GOLGA4: variants seen among roughly 807,000 people sequenced by gnomAD.
The protein encoded by GOLGA4 is golgin A4.
GOLGA4 carries 169 observed loss-of-function variants against 265.9 expected under a neutral mutation model. That is an observed-to-expected ratio of 0.64 (90% CI 0.56 to 0.72). GOLGA4 has a LOEUF of 0.72. Ranked by LOEUF, GOLGA4 falls within the 30% of genes least tolerant of loss-of-function variation. The pLI, the probability that GOLGA4 is intolerant of heterozygous loss-of-function variation, is 0.00. For missense variants in GOLGA4, 2,482 were observed against 2,483.4 expected, an observed-to-expected ratio of 1.00 and a Z score of 0.01; for synonymous variants, 923 against 855.8, an observed-to-expected ratio of 1.08 and a Z score of -1.37.
intron 10 of GOLGA4, among the ~76,000 whole-genome samples, chr3:37,312,310 C>G (rs963195354): frequency 2.6e-5 from 4 of 152,320 alleles, no homozygotes; most frequent in South Asian, 2.1e-4. Flanking sequence ...CATAATTAGT[C>G]ACTTTACTTG....
intron 2 of GOLGA4, among the ~76,000 whole-genome samples, chr3:37,270,403 A>T (rs991812115): frequency 1.3e-5 from 2 of 151,264 alleles, no homozygotes; most frequent in Admixed American, 6.6e-5. Context: ...TTTTTAGTAG[A>T]GATGGGGTTT....
chr3:37,284,159 C>T (rs1300806375), intron 3 of GOLGA4, among the ~76,000 whole-genome samples: 2 of 152,162 alleles, frequency 1.3e-5, no homozygotes, highest in African/African-American at 4.8e-5. Context: ...CTCTTCCACA[C>T]ACAACCCCCC....
intron 4 of GOLGA4, among the ~76,000 whole-genome samples, chr3:37,286,274 C>T (rs1436164243): frequency 6.7e-6 from 1 of 149,874 alleles, no homozygotes; most frequent in Non-Finnish European, 1.5e-5. Context: ...CTGCCTCAGC[C>T]TCCCGAGTAG....
rs536578863 is a variant in GOLGA4, at chr3:37,287,062, C to T, written c.525+1001C>T. On this transcript the variant is annotated intron_variant, in intron 4 of 23. Coordinates refer to ENST00000361924, the MANE Select transcript of GOLGA4 (RefSeq NM_002078.5). ...TGTTTTAAAATAAAATATAGTTGGCCAGGCGTGGTGGCTCACGCCTGTAAT... is the reference window on the plus strand; with the variant it reads ...TGTTTTAAAATAAAATATAGTTGGCTAGGCGTGGTGGCTCACGCCTGTAAT... Among the ~76,000 whole-genome samples the T allele has an allele frequency of 4.9e-3, 745 of 152,274 alleles. 9 individuals carry two copies. Among genetic ancestry groups the T allele is most frequent in the African/African-American group, 0.017 (711 of 41,556 alleles).
Position 37,251,541 on chromosome 3 carries a change from A to G in GOLGA4, c.162+57A>G, listed in dbSNP as rs536478705. The G allele has an allele frequency of 6.2e-4, 662 of 1,072,870 alleles. 1 individual carries two copies. The highest frequency in any genetic ancestry group is 1.1e-3 in the Admixed American group (59 of 54,724). 66.5% of individuals were successfully genotyped at this position (1,072,870 alleles called of 1,614,324 possible). On this transcript the variant is annotated intron_variant, in intron 2 of 23. Transcript: ENST00000361924. ...CTCAAAAGAAACTAATCTAAAATGT[A>G]TGCTGTTGATAACAAAATGGGAAAC...
chr3:37,355,192 G>A lies in GOLGA4; in HGVS notation c.6663+5G>A, dbSNP rs762704583. ...AGAGAAGATGCTCGGCTGATGGTAAGTTCTGGAAGTGGGCTCTAGATAGAA... is the reference window on the plus strand; with the variant it reads ...AGAGAAGATGCTCGGCTGATGGTAAATTCTGGAAGTGGGCTCTAGATAGAA... On this transcript the variant is annotated splice_donor_5th_base_variant and intron_variant, in intron 22 of 23. Coordinates refer to ENST00000361924, the MANE Select transcript of GOLGA4 (RefSeq NM_002078.5). 2.0e-6 allele frequency: 3 copies of A among 1,483,224 alleles called. No individual in the cohort carries two copies. The highest frequency in any genetic ancestry group is 1.1e-5 in the South Asian group (1 of 88,356). 91.9% of individuals were successfully genotyped at this position (1,483,224 alleles called of 1,614,324 possible). A position where few individuals can be genotyped will look rare whatever the true frequency, so the allele number is the denominator to read the frequency against.
intron 10 of GOLGA4, among the ~76,000 whole-genome samples, chr3:37,308,761 G>A (rs1010699396): frequency 2.0e-5 from 3 of 151,690 alleles, no homozygotes; most frequent in African/African-American, 4.8e-5. Context: ...GACTACAGGC[G>A]TGTGCCACTA....
At chr3:37,259,774 G>T (rs890440827) in intron 2 of GOLGA4, among the ~76,000 whole-genome samples, 1 of 152,122 alleles carries the variant, frequency 6.6e-6, no homozygotes, top group Non-Finnish European at 1.5e-5. Flanking sequence ...TGGTTTCTGG[G>T]CTGATACATG....
At position 37,266,228 on chromosome 3, in the gene GOLGA4, CT is replaced by C. The variant is rs1334919454; in HGVS notation, c.162+14745del. ...GTCACCCAGGCTGGAGTGCAATGGT[CT>C]CACTCTGTCACCCAGGCTGGAGTGC... On this transcript the variant is annotated intron_variant, in intron 2 of 23. Coordinates refer to ENST00000361924, the MANE Select transcript of GOLGA4 (RefSeq NM_002078.5). Among the ~76,000 whole-genome samples the C allele has an allele frequency of 3.3e-5, 5 of 151,676 alleles. No individual in the cohort carries two copies. The East Asian group carries it at 9.7e-4, about 29-fold the overall frequency.
chr3:37,322,883 C>A (rs2096958943), intron 13 of GOLGA4, among the ~76,000 whole-genome samples: 1 of 151,738 alleles, frequency 6.6e-6, no homozygotes, highest in Non-Finnish European at 1.5e-5. Context: ...ATCATACATT[C>A]TTTTTCTTCT....
intron 10 of GOLGA4, among the ~76,000 whole-genome samples, chr3:37,307,301 A>T (rs1177956978): frequency 6.6e-6 from 1 of 152,216 alleles, no homozygotes; most frequent in Non-Finnish European, 1.5e-5. Flanking sequence ...AAAGAAATTC[A>T]TTAGAACATA....
In GOLGA4 at chr3:37,275,546, T is replaced by G. The variant is rs1400410219; in HGVS notation, c.163-6412T>G. ...TTAAAGAATATCATTGGCCGCGGGCTTCGTTTGTGAGGAAGGGGGCCTAGG... is the reference window on the plus strand; with the variant it reads ...TTAAAGAATATCATTGGCCGCGGGCGTCGTTTGTGAGGAAGGGGGCCTAGG... On this transcript the variant is annotated intron_variant, in intron 2 of 23. Transcript: ENST00000361924. 8.2e-5 allele frequency: 78 copies of G among 950,062 alleles called. No homozygotes were observed. The East Asian group carries it at 1.8e-3, about 22-fold the overall frequency. 58.9% of individuals were successfully genotyped at this position (950,062 alleles called of 1,614,324 possible).
At chr3:37,251,785 A>G (rs1403777455) in intron 2 of GOLGA4, among the ~76,000 whole-genome samples, 2 of 152,212 alleles carry the variant, frequency 1.3e-5, no homozygotes, top group African/African-American at 4.8e-5. Flanking sequence ...TCTGGATTCA[A>G]GTGATCCTCT....
chr3:37,360,962 A>G (rs1357480622), intron 22 of GOLGA4, among the ~76,000 whole-genome samples: 1 of 152,168 alleles, frequency 6.6e-6, no homozygotes, highest in Non-Finnish European at 1.5e-5. Flanking sequence ...GCTGGTAAAT[A>G]TGTACTTAAA....
intron 20 of GOLGA4, among the ~76,000 whole-genome samples, chr3:37,345,801 G>A (rs1056118072): frequency 1.5e-4 from 23 of 152,042 alleles, no homozygotes; most frequent in Admixed American, 5.9e-4. Flanking sequence ...ACAAAAATTA[G>A]CCAGGCATGG....
intron 5 of GOLGA4, among the ~76,000 whole-genome samples, chr3:37,290,802 A>C (rs984479983): frequency 1.3e-5 from 2 of 152,178 alleles, no homozygotes; most frequent in African/African-American, 2.4e-5. Flanking sequence ...GGTTGTAGGA[A>C]GTGAGAGAAT....
At chr3:37,253,524 T>C (rs1035220351) in intron 2 of GOLGA4, among the ~76,000 whole-genome samples, 3 of 152,260 alleles carry the variant, frequency 2.0e-5, no homozygotes, top group African/African-American at 4.8e-5. Context: ...GTGATGACAA[T>C]GCTTTGTCAT....
Position 37,327,604 on chromosome 3 carries a change from A to G in GOLGA4, c.5718A>G (p.Glu1906=). The G allele has an allele frequency of 6.2e-7, 1 of 1,613,744 alleles. No homozygotes were observed. The highest frequency in any genetic ancestry group is 1.7e-5 in the Admixed American group (1 of 59,974). Residue 1906 remains glutamate, a synonymous_variant, in exon 14 of 24, where the codon GAA becomes GAG. Transcript: ENST00000361924. ...PTELLEENTE[E]KSKSHLVQPK... is the part of the protein sequence containing the mutation. ...AACTTTTGGAAGAAAACACTGAAGAAAAGTCCAAATCACATTTGGTCCAAC... is the reference window on the plus strand; with the variant it reads ...AACTTTTGGAAGAAAACACTGAAGAGAAGTCCAAATCACATTTGGTCCAAC...
At chr3:37,302,031 C>G (rs995304160) in intron 9 of GOLGA4, among the ~76,000 whole-genome samples, 154 bp from the exon 10 acceptor site, 2 of 152,174 alleles carry the variant, frequency 1.3e-5, no homozygotes, top group African/African-American at 4.8e-5. Context: ...TCAGGTGATC[C>G]ACCCTCCTTG....
Sources: gnomAD v4.1 joint callset for allele counts (sites outside exome capture counted in the v4.1 genomes callset) on GRCh38, gnomAD v4.1.1 for gene constraint, MANE v1.5 for transcripts, NCBI Gene and HGNC (gene_info 2026-07-23, HGNC 2026-07-21) for gene names.